Variants in FHIT observed in about 807,000 individuals in gnomAD.
The protein encoded by FHIT is bis(5'-adenosyl)-triphosphatase.
Under a neutral mutation model 17.9 loss-of-function variants are expected in FHIT, and 19 were observed. That is an observed-to-expected ratio of 1.06 (90% CI 0.74 to 1.56). FHIT has a LOEUF of 1.56. FHIT is among the 40% of genes most tolerant of loss of function. The pLI, the probability that FHIT is intolerant of heterozygous loss-of-function variation, is 0.00. For missense variants in FHIT, 248 were observed against 189.2 expected (o/e 1.31, Z -1.82); for synonymous variants, 81 against 69.7 (o/e 1.16, Z -0.81).
rs1202134208 is a variant in FHIT, at chr3:60,630,934, T to TAA, written c.-17-93957_-17-93956dup. On this transcript the variant is annotated intron_variant, in intron 4 of 9. Transcript: ENST00000492590. ...ATTTACTCACTTCTTCCCAGGTCAT[T>TAA]AAAAAAAAAAAAAAAAAAAAAACAC... is the stretch of plus-strand genomic sequence containing the variant. Among the ~76,000 whole-genome samples, 98 of 93,326 alleles carry TAA rather than the reference T, an allele frequency of 1.1e-3. 1 individual carries two copies. Among genetic ancestry groups the TAA allele is most frequent in the Middle Eastern group, 5.4e-3 (1 of 184 alleles). 61.2% of individuals were successfully genotyped at this position (93,326 alleles called of 152,430 possible). A position where few individuals can be genotyped will look rare whatever the true frequency, so the allele number is the denominator to read the frequency against.
chr3:60,962,130 G>T (rs1282333631), intron 3 of FHIT, among the ~76,000 whole-genome samples: 1 of 152,120 alleles, frequency 6.6e-6, no homozygotes, highest in Non-Finnish European at 1.5e-5. Flanking sequence ...AGTTCTCCTT[G>T]AAGAGGTCCT....
intron 3 of FHIT, among the ~76,000 whole-genome samples, chr3:60,924,231 T>G (rs1313516730): frequency 6.6e-6 from 1 of 152,144 alleles, no homozygotes; most frequent in East Asian, 1.9e-4. Context: ...AGCATGCAGC[T>G]TGAGATCTAA....
intron 8 of FHIT, among the ~76,000 whole-genome samples, chr3:59,824,986 G>A (rs1403581432): frequency 6.6e-6 from 1 of 152,172 alleles, no homozygotes; most frequent in Non-Finnish European, 1.5e-5. Context: ...CTTCTGCAAA[G>A]AGGTTTTCAA....
intron 5 of FHIT, among the ~76,000 whole-genome samples, chr3:60,493,069 G>C (rs1020565921): frequency 1.3e-5 from 2 of 152,086 alleles, no homozygotes; most frequent in Non-Finnish European, 2.9e-5. Context: ...TACAAATCAA[G>C]AATTCAGAGA....
At chr3:60,428,458 C>G (rs1267304334) in intron 5 of FHIT, among the ~76,000 whole-genome samples, 1 of 152,152 alleles carries the variant, frequency 6.6e-6, no homozygotes, top group Non-Finnish European at 1.5e-5. Context: ...GAATCAATGT[C>G]CTACTTGGTA....
chr3:60,605,486 C>G (rs2856030), intron 4 of FHIT, among the ~76,000 whole-genome samples: 136,177 of 152,218 alleles, frequency 0.89, 60,995 homozygotes, highest in Admixed American at 0.91. Flanking sequence ...AAGTCAGTTT[C>G]AGAAGGCACC....
At chr3:61,052,267 T>A (rs1219923926) in intron 2 of FHIT, among the ~76,000 whole-genome samples, 2 of 152,184 alleles carry the variant, frequency 1.3e-5, no homozygotes, top group East Asian at 1.9e-4. Flanking sequence ...ACCTATAACA[T>A]CTCAACTAAT....
intron 7 of FHIT, among the ~76,000 whole-genome samples, chr3:59,968,372 A>G (rs898464173): frequency 6.6e-6 from 1 of 152,118 alleles, no homozygotes; most frequent in Non-Finnish European, 1.5e-5. Flanking sequence ...TAAGGTGGTC[A>G]GAAAGCTCAG....
intron 4 of FHIT, among the ~76,000 whole-genome samples, chr3:60,681,050 T>C (rs1330711898): frequency 1.3e-5 from 2 of 152,210 alleles, no homozygotes; most frequent in African/African-American, 4.8e-5. Flanking sequence ...CAGGCATACC[T>C]TGTTTTACTG....
chr3:61,007,796 T>C (rs370931952), intron 3 of FHIT, among the ~76,000 whole-genome samples: 33 of 152,308 alleles, frequency 2.2e-4, no homozygotes, highest in African/African-American at 7.9e-4. Flanking sequence ...GCTGCCCATC[T>C]TCTCCAAAGA....
intron 8 of FHIT, among the ~76,000 whole-genome samples, chr3:59,797,189 A>ATTT (rs201641033): frequency 0.024 from 3,488 of 145,142 alleles, 149 homozygotes; most frequent in African/African-American, 0.083. Flanking sequence ...TGATATTACA[A>ATTT]TTTTTTTTTT....
chr3:60,903,871 T>C (rs995030547), intron 3 of FHIT, among the ~76,000 whole-genome samples: 4 of 152,116 alleles, frequency 2.6e-5, no homozygotes, highest in Middle Eastern at 3.2e-3. Context: ...GGAGGATAAA[T>C]ACCCAAAATA....
chr3:61,005,538 G>T (rs1347395103), intron 3 of FHIT, among the ~76,000 whole-genome samples: 1 of 152,124 alleles, frequency 6.6e-6, no homozygotes, highest in Non-Finnish European at 1.5e-5. Flanking sequence ...TAGGAGCAAA[G>T]AACTTCTGCA....
At chr3:60,660,132 A>C (rs2040205996) in intron 4 of FHIT, among the ~76,000 whole-genome samples, 1 of 152,156 alleles carries the variant, frequency 6.6e-6, no homozygotes, top group Admixed American at 6.6e-5. Flanking sequence ...AAAGGGGAAA[A>C]GAAAAAAAAT....
chr3:60,223,298 G>A (rs1161906799), intron 5 of FHIT, among the ~76,000 whole-genome samples: 2 of 152,092 alleles, frequency 1.3e-5, no homozygotes, highest in South Asian at 2.1e-4. Context: ...CAGGTACAGG[G>A]AGCTTAAGTC....
At chr3:60,431,286 C>A (rs1702891409) in intron 5 of FHIT, among the ~76,000 whole-genome samples, 1 of 151,116 alleles carries the variant, frequency 6.6e-6, no homozygotes, top group African/African-American at 2.4e-5. Flanking sequence ...TCCATCATTT[C>A]TTTTTATGAT....
intron 5 of FHIT, among the ~76,000 whole-genome samples, chr3:60,040,746 G>A (rs1285903948): frequency 6.6e-6 from 1 of 152,142 alleles, no homozygotes; most frequent in African/African-American, 2.4e-5. Flanking sequence ...AGGAGAGACT[G>A]GGGAGCTGGT....
intron 5 of FHIT, among the ~76,000 whole-genome samples, chr3:60,118,484 A>AT (rs1705083104): frequency 6.6e-6 from 1 of 151,880 alleles, no homozygotes; most frequent in African/African-American, 2.4e-5. Flanking sequence ...TTTAATCTGA[A>AT]TGATGGAATA....
chr3:60,287,888 G>C (rs1016805600), intron 5 of FHIT, among the ~76,000 whole-genome samples: 1 of 151,526 alleles, frequency 6.6e-6, no homozygotes, highest in East Asian at 1.9e-4. Context: ...TAACCCCTCT[G>C]TATCAGTTAT....
Sources: gnomAD v4.1 joint callset for allele counts (sites outside exome capture counted in the v4.1 genomes callset) on GRCh38, gnomAD v4.1.1 for gene constraint, MANE v1.5 for transcripts, NCBI Gene and HGNC (gene_info 2026-07-23, HGNC 2026-07-21) for gene names.